Variants in MALRD1 observed in about 807,000 individuals in gnomAD.
MALRD1 encodes MAM and LDL receptor class A domain containing 1, also known as MAM and LDL-receptor class A domain-containing protein 1.
In MALRD1, 247 loss-of-function variants were observed where a neutral mutation model predicts 242.1. That is an observed-to-expected ratio of 1.02 (90% CI 0.92 to 1.13). MALRD1 has a LOEUF of 1.13. MALRD1 is among the 50% of genes most tolerant of loss of function. The pLI is 0.00. For synonymous variants in MALRD1, 995 were observed against 866.6 expected (o/e 1.15, Z -2.60); for missense variants, 2,989 against 2,533.1 (o/e 1.18, Z -3.86).
intron 14 of MALRD1, among the ~76,000 whole-genome samples, chr10:19,181,548 C>A (rs12265785): frequency 0.19 from 28,902 of 151,718 alleles, 3,030 homozygotes; most frequent in Admixed American, 0.27. Context: ...GAGGCAGGGG[C>A]CAAGGGAAGG....
At chr10:19,648,537 G>T (rs145835053) in intron 36 of MALRD1, among the ~76,000 whole-genome samples, 131 of 152,206 alleles carry the variant, frequency 8.6e-4, no homozygotes, top group African/African-American at 3.1e-3. Flanking sequence ...ATGAACAACT[G>T]AGGTCTGCTA....
At chr10:19,162,516 A>C (rs916080845) in intron 12 of MALRD1, among the ~76,000 whole-genome samples, 2 of 152,220 alleles carry the variant, frequency 1.3e-5, no homozygotes, top group African/African-American at 2.4e-5. Flanking sequence ...TGAGAGGCAC[A>C]GAGTTTCCAT....
intron 2 of MALRD1, among the ~76,000 whole-genome samples, chr10:19,083,514 T>C (rs1320983237): frequency 1.3e-5 from 2 of 152,034 alleles, no homozygotes; most frequent in Non-Finnish European, 2.9e-5. Flanking sequence ...TTATAACACT[T>C]GCTGGTAATT....
At chr10:19,616,308 T>C (rs2131611898) in intron 36 of MALRD1, among the ~76,000 whole-genome samples, 1 of 152,112 alleles carries the variant, frequency 6.6e-6, no homozygotes, top group East Asian at 1.9e-4. Flanking sequence ...TTATTTCTCT[T>C]TAACAAAGGA....
At chr10:19,171,592 GTATA>G (rs925198501) in intron 13 of MALRD1, among the ~76,000 whole-genome samples, 1 of 130,738 alleles carries the variant, frequency 7.6e-6, no homozygotes, top group African/African-American at 2.9e-5. Flanking sequence ...GTCTATGTGT[GTATA>G]TAAATACACA....
intron 29 of MALRD1, chr10:19,488,822 G>C (rs2131206618): frequency 2.9e-6 from 1 of 344,996 alleles, no homozygotes; most frequent in African/African-American, 2.1e-5. Context: ...AAAGGTGTGT[G>C]GCCATGCAAA....
Position 19,714,738 on chromosome 10 carries a change from CAG to C in MALRD1, c.6315-15967_6315-15966del, listed in dbSNP as rs149975338. ...TGATAAAAGACGGGAATCAGCAAAA[CAG>C]GGAACGTGAAGATCATGAGGCATGC... On this transcript the variant is annotated intron_variant, in intron 38 of 39. Coordinates refer to ENST00000454679, the MANE Select transcript of MALRD1 (RefSeq NM_001142308.3). 2.4e-3 allele frequency among the ~76,000 whole-genome samples: 363 copies of C among 152,186 alleles called. 9 individuals are homozygous for C. The East Asian group carries it at 0.051, about 22-fold the overall frequency.
intron 2 of MALRD1, among the ~76,000 whole-genome samples, chr10:19,070,760 A>G (rs2358282): frequency 0.54 from 80,397 of 149,964 alleles, 21,620 homozygotes; most frequent in Middle Eastern, 0.61. Context: ...TCTGGGATGC[A>G]TTATATATAT....
chr10:19,088,768 G>A (rs1176287758), intron 4 of MALRD1, among the ~76,000 whole-genome samples: 1 of 73,202 alleles, frequency 1.4e-5, no homozygotes, highest in East Asian at 3.4e-4. Context: ...CCCAGAGTGT[G>A]ATATTCCCCT....
chr10:19,162,661 A>G (rs1834484047), intron 12 of MALRD1, among the ~76,000 whole-genome samples: 1 of 152,204 alleles, frequency 6.6e-6, no homozygotes, highest in Admixed American at 6.5e-5. Flanking sequence ...ATGTCAAAAA[A>G]TAACATGCCG....
chr10:19,249,005 ATATT>A (rs1839184299), intron 18 of MALRD1, among the ~76,000 whole-genome samples: 9 of 147,108 alleles, frequency 6.1e-5, no homozygotes, highest in Admixed American at 5.5e-4. Flanking sequence ...TATATTAAAT[ATATT>A]TATATGATAT....
chr10:19,117,244 T>C (rs1338538293), intron 5 of MALRD1, among the ~76,000 whole-genome samples: 2 of 152,172 alleles, frequency 1.3e-5, no homozygotes, highest in African/African-American at 2.4e-5. Context: ...GATTTATTAA[T>C]TGACAATTTA....
chr10:19,660,358 C>G (rs1286644268), intron 36 of MALRD1, among the ~76,000 whole-genome samples: 1 of 152,110 alleles, frequency 6.6e-6, no homozygotes, highest in African/African-American at 2.4e-5. Flanking sequence ...TGACCAAAAA[C>G]CAAACCTATT....
intron 1 of MALRD1, among the ~76,000 whole-genome samples, chr10:19,053,846 C>A (rs1834583365): frequency 6.6e-6 from 1 of 151,712 alleles, no homozygotes; most frequent in South Asian, 2.1e-4. Context: ...TCTTATTTTA[C>A]ATGAACTTCT....
At chr10:19,166,182 G>C (rs1327681269) in intron 13 of MALRD1, among the ~76,000 whole-genome samples, 1 of 152,174 alleles carries the variant, frequency 6.6e-6, no homozygotes, top group East Asian at 1.9e-4. Context: ...TGAAGACGTT[G>C]GATTATATGA....
intron 18 of MALRD1, among the ~76,000 whole-genome samples, chr10:19,251,816 T>C (rs1222969054): frequency 6.6e-6 from 1 of 151,944 alleles, no homozygotes; most frequent in African/African-American, 2.4e-5. Context: ...GTGAAAGTGA[T>C]TGGATCATAG....
chr10:19,512,940 A>G (rs1474320725), intron 31 of MALRD1, among the ~76,000 whole-genome samples: 3 of 152,196 alleles, frequency 2.0e-5, no homozygotes, highest in Admixed American at 1.3e-4. Context: ...TGGGTCCTCC[A>G]TGGGTGTACA....
intron 28 of MALRD1, among the ~76,000 whole-genome samples, chr10:19,446,311 T>C (rs978691858): frequency 6.6e-6 from 1 of 152,086 alleles, no homozygotes; most frequent in African/African-American, 2.4e-5. Flanking sequence ...CCCCAGTGAG[T>C]TGAACCCAGT....
At chr10:19,578,449 T>C (rs954202870) in intron 33 of MALRD1, among the ~76,000 whole-genome samples, 8 of 152,168 alleles carry the variant, frequency 5.3e-5, no homozygotes, top group Non-Finnish European at 1.0e-4. Flanking sequence ...TCCAGCACTT[T>C]GGAAGGCTGA....
Sources: allele counts gnomAD v4.1 joint callset (sites outside exome capture counted in the v4.1 genomes callset), GRCh38; gene constraint gnomAD v4.1.1; transcripts MANE v1.5; gene names NCBI Gene and HGNC (gene_info 2026-07-23, HGNC 2026-07-21).